The following STXBP4 variants were observed in gnomAD, a reference collection of about 807,000 sequenced individuals.
STXBP4 encodes syntaxin binding protein 4.
Under a neutral mutation model 76.1 loss-of-function variants are expected in STXBP4, and 55 were observed. The observed-to-expected ratio is 0.72, with a 90% CI of 0.58 to 0.91. The LOEUF (loss-of-function observed/expected upper bound fraction) is 0.91. Among genes scored for constraint, STXBP4 ranks in the 40% least tolerant of loss-of-function variants. STXBP4 has a pLI of 0.00. For missense variants in STXBP4, 618 were observed against 636.9 expected, an observed-to-expected ratio of 0.97 and a Z score of 0.32; for synonymous variants, 201 against 220.2, an observed-to-expected ratio of 0.91 and a Z score of 0.77.
the STXBP4 span, among the ~76,000 whole-genome samples, chr17:55,186,848 C>A: frequency 4.6e-5 from 7 of 152,106 alleles, no homozygotes; most frequent in African/African-American, 1.7e-4. Flanking sequence ...TTCCTCTTTC[C>A]TCCATTTCAC....
chr17:55,025,126 G>A (rs1054869271), intron 8 of STXBP4, among the ~76,000 whole-genome samples: 4 of 151,842 alleles, frequency 2.6e-5, no homozygotes, highest in Non-Finnish European at 4.4e-5. Context: ...GGGTGACAGA[G>A]CGAGACTCCG....
chr17:55,211,799 G>GTTTTTTTTTTTTTTTTTT, the STXBP4 span, among the ~76,000 whole-genome samples: 24 of 49,004 alleles, frequency 4.9e-4, 5 homozygotes, highest in African/African-American at 7.9e-4. Flanking sequence ...GTTTTTTGTT[G>GTTTTTTTTTTTTTTTTTT]TTTTTTTTTT....
chr17:54,984,079 G>A (rs1598154459), intron 1 of STXBP4, among the ~76,000 whole-genome samples: 1 of 152,092 alleles, frequency 6.6e-6, no homozygotes, highest in Admixed American at 6.5e-5. Flanking sequence ...CTACTACAGA[G>A]GGCGTGAAAG....
rs925400690 is a variant in STXBP4 at position 55,133,562 on chromosome 17, G to A, written c.1490-7748G>A. ...TACGCAGGAAAAGAACAGAAAGGAA[G>A]GACACAGAGGAGTTGAAGAACCAAG... is the stretch of plus-strand genomic sequence containing the variant. On this transcript the variant is annotated intron_variant, in intron 16 of 17. Transcript: ENST00000376352. 3.3e-5 allele frequency among the ~76,000 whole-genome samples: 5 copies of A among 152,252 alleles called. No homozygotes were observed. In the South Asian group the frequency reaches 8.3e-4, roughly 25 times the overall value.
intron 1 of STXBP4, among the ~76,000 whole-genome samples, chr17:54,984,301 G>C (rs2077592337): frequency 6.8e-6 from 1 of 146,430 alleles, no homozygotes; most frequent in Admixed American, 6.8e-5. Flanking sequence ...TTTTGTTTCT[G>C]AGTCTTCAAT....
At chr17:55,212,884 T>A in the STXBP4 span, among the ~76,000 whole-genome samples, 1 of 152,172 alleles carries the variant, frequency 6.6e-6, no homozygotes, top group Non-Finnish European at 1.5e-5. Flanking sequence ...GTGTGCGTGC[T>A]TCATCTCATC....
intron 16 of STXBP4, among the ~76,000 whole-genome samples, chr17:55,136,839 C>T (rs111872486): frequency 3.3e-5 from 5 of 152,176 alleles, no homozygotes; most frequent in South Asian, 4.1e-4. Flanking sequence ...AATGTGCTTA[C>T]GCCTTAACGG....
the STXBP4 span, among the ~76,000 whole-genome samples, chr17:55,212,846 A>G: frequency 1.3e-5 from 2 of 152,110 alleles, no homozygotes; most frequent in East Asian, 3.9e-4. Context: ...AGAGTTTGCA[A>G]ATTAGAGACT....
chr17:55,201,608 A>G, the STXBP4 span, among the ~76,000 whole-genome samples: 3 of 152,206 alleles, frequency 2.0e-5, no homozygotes, highest in African/African-American at 7.2e-5. Context: ...TCTTCTCAGC[A>G]TGCCTAGGAA....
the STXBP4 span, among the ~76,000 whole-genome samples, chr17:55,206,052 T>C: frequency 2.6e-5 from 4 of 152,146 alleles, no homozygotes; most frequent in Non-Finnish European, 4.4e-5. Context: ...TCTATACTTA[T>C]TATCATAAAC....
chr17:55,072,884 A>G lies in STXBP4; in HGVS notation c.1012-16A>G, dbSNP rs768873459. On this transcript the variant is annotated splice_polypyrimidine_tract_variant and intron_variant, in intron 12 of 17. Transcript: ENST00000376352. ...CTTATGTATTTTTTAAATGACATTAATTTTGAAATCTTTAGGAAGCCAAAG... is the reference window on the plus strand; with the variant it reads ...CTTATGTATTTTTTAAATGACATTAGTTTTGAAATCTTTAGGAAGCCAAAG... The G allele has an allele frequency of 1.3e-6, 2 of 1,576,738 alleles. No homozygotes were observed. Among genetic ancestry groups the G allele is most frequent in the East Asian group, 2.3e-5 (1 of 44,254 alleles).
intron 8 of STXBP4, among the ~76,000 whole-genome samples, chr17:55,014,119 T>G (rs1334058681): frequency 3.3e-5 from 5 of 152,198 alleles, no homozygotes; most frequent in Non-Finnish European, 7.3e-5. Flanking sequence ...CTTGGGCTTT[T>G]AGGTCCTTAA....
chr17:55,039,666 A>G (rs758663143), intron 10 of STXBP4, among the ~76,000 whole-genome samples: 6 of 152,076 alleles, frequency 3.9e-5, no homozygotes, highest in African/African-American at 1.4e-4. Flanking sequence ...ACCAAAAACA[A>G]CAACTACAAC....
intron 12 of STXBP4, among the ~76,000 whole-genome samples, chr17:55,047,612 T>C (rs970813203): frequency 6.6e-6 from 1 of 151,940 alleles, no homozygotes; most frequent in Non-Finnish European, 1.5e-5. Flanking sequence ...GCATTATTCT[T>C]CAAAGAATTT....
At chr17:54,975,357 T>C (rs886190015) in intron 1 of STXBP4, among the ~76,000 whole-genome samples, 1 of 152,190 alleles carries the variant, frequency 6.6e-6, no homozygotes, top group South Asian at 2.1e-4. Context: ...TCATTTTGTA[T>C]TGGGCCCTGC....
In STXBP4 at chr17:55,050,350, C is replaced by T. The variant is rs117857266; in HGVS notation, c.1011+3196C>T. 3.7e-3 allele frequency among the ~76,000 whole-genome samples: 566 copies of T among 151,974 alleles called. 3 individuals carry two copies. Among genetic ancestry groups the T allele is most frequent in the Middle Eastern group, 6.8e-3 (2 of 294 alleles). ...TCATCAAAAAAGCTATAAAAATGTC[C>T]ATTAAACAAATGAAAAGATACTCAA... On this transcript the variant is annotated intron_variant, in intron 12 of 17. Transcript: ENST00000376352.
chr17:55,097,595 G>A (rs1164439789), intron 16 of STXBP4, among the ~76,000 whole-genome samples: 15 of 151,714 alleles, frequency 9.9e-5, no homozygotes, highest in East Asian at 5.8e-4. Flanking sequence ...CCCGGGAGGC[G>A]GAGCTTGCAA....
At chr17:55,064,725 C>T (rs968815933) in intron 12 of STXBP4, among the ~76,000 whole-genome samples, 2 of 152,090 alleles carry the variant, frequency 1.3e-5, no homozygotes, top group African/African-American at 2.4e-5. Flanking sequence ...AGGCTGGTCT[C>T]GAACTCGTGA....
the STXBP4 span, among the ~76,000 whole-genome samples, chr17:55,189,792 AC>A: frequency 6.6e-6 from 1 of 152,218 alleles, no homozygotes; most frequent in African/African-American, 2.4e-5. Context: ...TCTATGTGCT[AC>A]CCAGGTGGTG....
Sources: allele counts gnomAD v4.1 joint callset (sites outside exome capture counted in the v4.1 genomes callset), GRCh38; gene constraint gnomAD v4.1.1; transcripts MANE v1.5; gene names NCBI Gene and HGNC (gene_info 2026-07-23, HGNC 2026-07-21).